Variants in TEX9 observed in about 807,000 individuals in gnomAD.
TEX9 encodes testis-expressed protein 9.
A neutral mutation model predicts 59.6 loss-of-function variants in TEX9; 74 were observed. That is an observed-to-expected ratio of 1.24 (90% confidence interval 1.03 to 1.51). The LOEUF is 1.51. TEX9 is among the 40% of genes most tolerant of loss of function. TEX9 has a pLI of 0.00. For missense variants in TEX9, 522 were observed against 447.8 expected (o/e 1.17, Z -1.49); for synonymous variants, 186 against 152.2 (o/e 1.22, Z -1.64).
chr15:56,428,370 C>T, exon 12 of TEX9: 2 of 1,609,200 alleles, frequency 1.2e-6, no homozygotes, highest in Non-Finnish European at 1.7e-6. Context: ...TTAACAGATG[C>T]ATATTGAAGC....
intron 6 of TEX9, 103 bp from the exon 7 acceptor site, chr15:56,391,140 T>G (rs1385477313): frequency 3.3e-6 from 2 of 600,050 alleles, no homozygotes; most frequent in African/African-American, 3.9e-5. Context: ...TATAATAATT[T>G]TGATCTGCTT....
chr15:56,395,093 A>G (rs1000024274), intron 9 of TEX9: 2 of 481,226 alleles, frequency 4.2e-6, no homozygotes, highest in Non-Finnish European at 7.2e-6. Context: ...TCCCTAAAAG[A>G]TACTTCATAC....
intron 1 of TEX9, among the ~76,000 whole-genome samples, chr15:56,335,235 A>G (rs1357940623): frequency 6.6e-6 from 1 of 152,222 alleles, no homozygotes; most frequent in Non-Finnish European, 1.5e-5. Context: ...AATAGCCAGT[A>G]TATACAAGCA....
At chr15:56,363,133 T>C (rs2046820207), upstream of TEX9, among the ~76,000 whole-genome samples, 1 of 152,202 alleles carries the variant, frequency 6.6e-6, no homozygotes, top group Non-Finnish European at 1.5e-5. Context: ...CTGGATTGTT[T>C]GGTAACTCTG....
At chr15:56,344,501 C>T (rs891642263) in intron 1 of TEX9, among the ~76,000 whole-genome samples, 52 of 152,108 alleles carry the variant, frequency 3.4e-4, no homozygotes, top group African/African-American at 1.2e-3. Flanking sequence ...TTGCTTACAG[C>T]TAGGTGGGTG....
chr15:56,252,660 C>T (rs1446700803), intron 1 of TEX9, among the ~76,000 whole-genome samples: 1 of 152,092 alleles, frequency 6.6e-6, no homozygotes, highest in Non-Finnish European at 1.5e-5. Context: ...CTGCGTGCTT[C>T]CTGTAACCTC....
chr15:56,458,686 C>T, the TEX9 span, among the ~76,000 whole-genome samples: 1 of 152,160 alleles, frequency 6.6e-6, no homozygotes, highest in African/African-American at 2.4e-5. Flanking sequence ...CAGAATGTCA[C>T]ATAGTCGGAA....
downstream of TEX9, chr15:56,446,740 C>G: frequency 1.3e-6 from 1 of 753,502 alleles, no homozygotes; most frequent in Non-Finnish European, 2.1e-6. Flanking sequence ...AGAAATCTAG[C>G]AGTGTAAATT....
exon 1 of TEX9, chr15:56,244,076 G>C (rs1173032408): frequency 6.6e-6 from 1 of 151,696 alleles, no homozygotes; most frequent in Non-Finnish European, 1.5e-5. Context: ...AGGAAAACGT[G>C]GGGGAGGTGC....
chr15:56,428,830 C>T (rs1236495547), intron 12 of TEX9: 23 of 390,526 alleles, frequency 5.9e-5, no homozygotes, highest in Admixed American at 3.0e-4. Flanking sequence ...CTGTATTAGT[C>T]AAGGTAAATA....
At chr15:56,375,900 G>A (rs1334393454) in intron 3 of TEX9, among the ~76,000 whole-genome samples, 1 of 151,530 alleles carries the variant, frequency 6.6e-6, no homozygotes, top group Non-Finnish European at 1.5e-5. Flanking sequence ...CATAAAAAAT[G>A]ATGAGTTCAT....
intron 12 of TEX9, chr15:56,428,557 C>G (rs2050441092): frequency 2.9e-6 from 2 of 685,640 alleles, no homozygotes; most frequent in African/African-American, 3.6e-5. Context: ...ATTATGAAAG[C>G]AAAATAATTT....
chr15:56,383,729 C>T (rs1275199247), intron 3 of TEX9, among the ~76,000 whole-genome samples: 1 of 152,180 alleles, frequency 6.6e-6, no homozygotes, highest in African/African-American at 2.4e-5. Context: ...GATATTCTTA[C>T]ATTTTCCCCT....
At chr15:56,261,742 C>A (rs1364526807) in intron 1 of TEX9, among the ~76,000 whole-genome samples, 1 of 151,870 alleles carries the variant, frequency 6.6e-6, no homozygotes, top group African/African-American at 2.4e-5. Context: ...TTAACTGTAC[C>A]AGGTCATTGA....
intron 1 of TEX9, among the ~76,000 whole-genome samples, chr15:56,343,779 A>T (rs1477804935): frequency 6.6e-6 from 1 of 152,114 alleles, no homozygotes; most frequent in East Asian, 1.9e-4. Context: ...AACTCCTACA[A>T]CCCAATAAAT....
chr15:56,431,567 T>C, intron 12 of TEX9: 2 of 1,507,368 alleles, frequency 1.3e-6, no homozygotes, highest in South Asian at 2.4e-5. Context: ...CAAATAAAAC[T>C]ACTCATGCAA....
At chr15:56,333,600 A>T (rs2046201837) in intron 1 of TEX9, among the ~76,000 whole-genome samples, 1 of 152,128 alleles carries the variant, frequency 6.6e-6, no homozygotes, top group Admixed American at 6.6e-5. Flanking sequence ...AAAGCCTTTC[A>T]TCTAAGAGCT....
intron 1 of TEX9, among the ~76,000 whole-genome samples, chr15:56,317,449 G>A (rs1388550839): frequency 6.6e-6 from 1 of 152,036 alleles, no homozygotes; most frequent in Non-Finnish European, 1.5e-5. Context: ...TCTAGCTAAA[G>A]GTTTGTCAGT....
chr15:56,272,933 TA>T (rs199507660), intron 1 of TEX9, among the ~76,000 whole-genome samples: 43,719 of 142,516 alleles, frequency 0.31, 7,615 homozygotes, highest in Non-Finnish European at 0.39. Context: ...TTTATTTATT[TA>T]TTTATTTTTT....
Sources: allele counts gnomAD v4.1 joint callset (sites outside exome capture counted in the v4.1 genomes callset), GRCh38; gene constraint gnomAD v4.1.1; transcripts MANE v1.5; gene names NCBI Gene and HGNC (gene_info 2026-07-23, HGNC 2026-07-21).